The following BTBD9 variants were observed in gnomAD, a reference collection of about 807,000 sequenced individuals.
The protein encoded by BTBD9 is BTB domain containing 9.
BTBD9 carries 49 observed loss-of-function variants against 64.3 expected under a neutral mutation model. That is an observed-to-expected ratio of 0.76 (90% CI 0.61 to 0.97). The LOEUF is 0.97. Among genes scored for constraint, BTBD9 ranks in the 50% least tolerant of loss-of-function variants. The probability of loss-of-function intolerance (pLI) is 0.00; values close to 1 mark genes in which losing one functional copy is unlikely to be tolerated. For synonymous variants in BTBD9, 260 were observed against 274.7 expected (o/e 0.95, Z 0.53); for missense variants, 598 against 762.1 (o/e 0.78, Z 2.53).
intron 8 of BTBD9, among the ~76,000 whole-genome samples, chr6:38,282,000 A>T (rs964935514): frequency 6.6e-6 from 1 of 152,206 alleles, no homozygotes; most frequent in East Asian, 1.9e-4. Context: ...AATGCATAGC[A>T]TATTTGAGTT....
At chr6:38,337,236 T>C (rs1042169982) in intron 7 of BTBD9, among the ~76,000 whole-genome samples, 2 of 152,224 alleles carry the variant, frequency 1.3e-5, no homozygotes, top group African/African-American at 4.8e-5. Flanking sequence ...CTAAACACAG[T>C]TGTGAAGCAC....
chr6:38,448,338 T>A (rs975413723), intron 6 of BTBD9, among the ~76,000 whole-genome samples: 1 of 152,146 alleles, frequency 6.6e-6, no homozygotes, highest in Non-Finnish European at 1.5e-5. Context: ...AGAGGGAAGG[T>A]GACGGTGGGA....
At chr6:38,426,217 C>A (rs1428114793) in intron 6 of BTBD9, among the ~76,000 whole-genome samples, 2 of 152,066 alleles carry the variant, frequency 1.3e-5, no homozygotes, top group Admixed American at 6.5e-5. Flanking sequence ...GGGAAGGCCG[C>A]ATCCACCTTT....
chr6:38,631,365 C>T (rs187593041), intron 1 of BTBD9, among the ~76,000 whole-genome samples: 81 of 152,190 alleles, frequency 5.3e-4, no homozygotes, highest in African/African-American at 1.6e-3. Flanking sequence ...GGAAATATGC[C>T]CACAAATTAT....
At chr6:38,267,070 G>A (rs776267435) in intron 8 of BTBD9, among the ~76,000 whole-genome samples, 5 of 152,226 alleles carry the variant, frequency 3.3e-5, no homozygotes, top group Non-Finnish European at 7.3e-5. Context: ...TTGGTTCACC[G>A]GCAGGATCAG....
intron 6 of BTBD9, among the ~76,000 whole-genome samples, chr6:38,409,802 C>A (rs540313778): frequency 7.2e-5 from 11 of 151,904 alleles, no homozygotes; most frequent in African/African-American, 2.7e-4. Context: ...CCAGCCTGGG[C>A]AACAGAGCAA....
chr6:38,367,096 T>C (rs1765211733), intron 6 of BTBD9, among the ~76,000 whole-genome samples: 1 of 152,194 alleles, frequency 6.6e-6, no homozygotes, highest in Admixed American at 6.5e-5. Context: ...CAAGAACTAA[T>C]ACAGATAAAC....
intron 6 of BTBD9, among the ~76,000 whole-genome samples, chr6:38,423,291 C>CTTA (rs919865342): frequency 5.3e-5 from 8 of 151,702 alleles, no homozygotes; most frequent in East Asian, 3.9e-4. Context: ...AAATTAAAAC[C>CTTA]TTATTATTAT....
intron 6 of BTBD9, among the ~76,000 whole-genome samples, chr6:38,466,293 T>C (rs899096269): frequency 8.9e-5 from 11 of 123,326 alleles, no homozygotes; most frequent in Admixed American, 1.6e-4. Flanking sequence ...CTTTTTTTTT[T>C]TTTTTTTTTT....
At chr6:38,219,995 G>T (rs540940593) in intron 9 of BTBD9, among the ~76,000 whole-genome samples, 1 of 152,270 alleles carries the variant, frequency 6.6e-6, no homozygotes, top group South Asian at 2.1e-4. Flanking sequence ...GGCTTTCTGT[G>T]CTTAAAATAC....
intron 6 of BTBD9, among the ~76,000 whole-genome samples, chr6:38,507,828 A>ATTTTTTTTTTTTTTTTTTTTTTTTT (rs34808509): frequency 8.0e-6 from 1 of 125,428 alleles, no homozygotes; most frequent in Admixed American, 8.3e-5. Flanking sequence ...TGTCTCCCAA[A>ATTTTTTTTTTTTTTTTTTTTTTTTT]TTTTTTTTTT....
At chr6:38,241,322 G>A (rs1187740198) in intron 9 of BTBD9, among the ~76,000 whole-genome samples, 1 of 152,170 alleles carries the variant, frequency 6.6e-6, no homozygotes, top group East Asian at 1.9e-4. Flanking sequence ...CGCAGATGAG[G>A]AAGCAAGCAG....
intron 9 of BTBD9, among the ~76,000 whole-genome samples, chr6:38,193,535 T>C (rs931106654): frequency 6.6e-6 from 1 of 152,222 alleles, no homozygotes; most frequent in Non-Finnish European, 1.5e-5. Context: ...GGCCAGCTCA[T>C]TTAAGACTCA....
At chr6:38,461,373 T>C (rs1409967918) in intron 6 of BTBD9, among the ~76,000 whole-genome samples, 3 of 152,202 alleles carry the variant, frequency 2.0e-5, no homozygotes, top group African/African-American at 7.2e-5. Flanking sequence ...TCTGACATTA[T>C]AGGTTATTTT....
chr6:38,475,831 C>T (rs532041654), intron 6 of BTBD9, among the ~76,000 whole-genome samples: 1 of 152,170 alleles, frequency 6.6e-6, no homozygotes, highest in East Asian at 1.9e-4. Flanking sequence ...CTAGCTCAAC[C>T]CCTGAAATGA....
At chr6:38,316,192 T>TTTA (rs1763022805) in intron 7 of BTBD9, among the ~76,000 whole-genome samples, 2 of 152,216 alleles carry the variant, frequency 1.3e-5, no homozygotes, top group African/African-American at 4.8e-5. Context: ...TCAGTCTATG[T>TTTA]GTTTCTTTAT....
chr6:38,428,607 T>A (rs9357273), intron 6 of BTBD9, among the ~76,000 whole-genome samples: 13 of 151,632 alleles, frequency 8.6e-5, no homozygotes, highest in Admixed American at 7.9e-4. Flanking sequence ...GAACAGTGTT[T>A]GATACAAAGC....
intron 7 of BTBD9, among the ~76,000 whole-genome samples, chr6:38,318,700 T>C (rs1763119012): frequency 6.6e-6 from 1 of 152,224 alleles, no homozygotes; most frequent in Non-Finnish European, 1.5e-5. Flanking sequence ...CTATTGGGGC[T>C]GTGCTAGGTC....
At chr6:38,317,456 GATT>G (rs1211973776) in intron 7 of BTBD9, among the ~76,000 whole-genome samples, 1 of 151,962 alleles carries the variant, frequency 6.6e-6, no homozygotes, top group Non-Finnish European at 1.5e-5. Context: ...TTGGGAATTT[GATT>G]ATTAAATGCC....
Sources: allele counts gnomAD v4.1 joint callset (sites outside exome capture counted in the v4.1 genomes callset), GRCh38; gene constraint gnomAD v4.1.1; transcripts MANE v1.5; gene names NCBI Gene and HGNC (gene_info 2026-07-23, HGNC 2026-07-21).